Variants in CHCHD3 observed in about 807,000 individuals in gnomAD.
CHCHD3 encodes the protein coiled-coil-helix-coiled-coil-helix domain containing 3.
In CHCHD3, 20 loss-of-function variants were observed where a neutral mutation model predicts 38.2. The ratio of observed to expected loss-of-function variants is 0.52; its 90% CI spans 0.37 to 0.76. CHCHD3 has a LOEUF of 0.76. Among genes scored for constraint, CHCHD3 ranks in the 30% least tolerant of loss-of-function variants. The probability of loss-of-function intolerance (pLI) is 0.00; values close to 1 mark genes in which losing one functional copy is unlikely to be tolerated. For missense variants in CHCHD3, 245 were observed against 279.2 expected, an observed-to-expected ratio of 0.88 and a Z score of 0.87; for synonymous variants, 82 against 100.0, an observed-to-expected ratio of 0.82 and a Z score of 1.07.
In CHCHD3 at chr7:132,880,420, C is replaced by T. The variant is rs531338798; in HGVS notation, c.453+5242G>A. Among the ~76,000 whole-genome samples, 7 of 152,224 alleles carry T rather than the reference C, an allele frequency of 4.6e-5. No homozygotes were observed. The East Asian group carries it at 1.3e-3, about 29-fold the overall frequency. ...TTAATAAGGATGCTATAAACAATAA[C>T]AAAATATTCAAAGTTAAACTTGACT... On this transcript the variant is annotated intron_variant, in intron 5 of 7. Transcript: ENST00000262570.
chr7:132,994,915 A>G (rs1296958029), intron 3 of CHCHD3, among the ~76,000 whole-genome samples: 1 of 152,194 alleles, frequency 6.6e-6, no homozygotes, highest in East Asian at 1.9e-4. Context: ...CCTGCTCCAC[A>G]GCGCATTCTC....
chr7:132,826,339 A>T (rs1293657792), intron 6 of CHCHD3, among the ~76,000 whole-genome samples: 1 of 152,232 alleles, frequency 6.6e-6, no homozygotes, highest in Non-Finnish European at 1.5e-5. Flanking sequence ...TGTTTAACAT[A>T]CTAAAAAAGG....
At chr7:132,808,521 A>G (rs1395295112) in intron 6 of CHCHD3, among the ~76,000 whole-genome samples, 1 of 152,202 alleles carries the variant, frequency 6.6e-6, no homozygotes, top group African/African-American at 2.4e-5. Context: ...CTTCTATAAA[A>G]TATACAATCA....
chr7:132,788,565 A>G lies in CHCHD3; in HGVS notation c.661-2905T>C, dbSNP rs1806381447. On this transcript the variant is annotated intron_variant, in intron 7 of 7. Transcript: ENST00000262570. The surrounding 1 kb of genome is among the most constrained non-coding windows in gnomAD (Gnocchi z 4.0). ...ATTCTCTCTGCAACCTCAACCAAAT[A>G]TAGATGGGTAATTTTTCAGCCAAAT... Among the ~76,000 whole-genome samples, 1 of 152,228 alleles carries G rather than the reference A, an allele frequency of 6.6e-6. No homozygotes were observed. Among genetic ancestry groups the G allele is most frequent in the Non-Finnish European group, 1.5e-5 (1 of 68,042 alleles).
chr7:132,807,855 C>A (rs1448913212), intron 6 of CHCHD3, among the ~76,000 whole-genome samples: 1 of 151,592 alleles, frequency 6.6e-6, no homozygotes, highest in Non-Finnish European at 1.5e-5. Flanking sequence ...AAATAATGTT[C>A]AAAAATATAC....
rs1484264289 is a variant in CHCHD3 at position 132,869,652 on chromosome 7, TGGCTCACTGCAGCCTTGACCTTCTG to T, written c.453+15985_453+16009del. ...CCCAGGCTGGAGTGCAGCGACATAATGGCTCACTGCAGCCTTGACCTTCTGGGCTCAGCTGATCCTCCTCCTTCAG... is the reference window on the plus strand; with the variant it reads ...CCCAGGCTGGAGTGCAGCGACATAATGGCTCAGCTGATCCTCCTCCTTCAG... On this transcript the variant is annotated intron_variant, in intron 5 of 7. Transcript: ENST00000262570. 5.3e-5 allele frequency among the ~76,000 whole-genome samples: 8 copies of T among 152,192 alleles called. 1 individual carries two copies. Among genetic ancestry groups the T allele is most frequent in the Non-Finnish European group, 1.2e-4 (8 of 68,032 alleles).
In CHCHD3 at chr7:132,941,816, A is replaced by T. The variant is rs994932051; in HGVS notation, c.369+33353T>A. 2.6e-5 allele frequency among the ~76,000 whole-genome samples: 4 copies of T among 152,104 alleles called. No individual in the cohort carries two copies. In the East Asian group the frequency reaches 7.7e-4, roughly 29 times the overall value. On this transcript the variant is annotated intron_variant, in intron 4 of 7. Transcript: ENST00000262570. ...CAACAGCTCTTGGGTTCCCAAGTCC[A>T]CCTGTGGAATCTGTCTGTGGGTCTG...
chr7:132,799,164 G>A (rs2117033433), intron 6 of CHCHD3, among the ~76,000 whole-genome samples: 1 of 152,222 alleles, frequency 6.6e-6, no homozygotes, highest in African/African-American at 2.4e-5. Flanking sequence ...AGCTCCAGGA[G>A]TAGACTCTGG....
chr7:133,026,481 T>G (rs575832985), intron 2 of CHCHD3, among the ~76,000 whole-genome samples: 29 of 152,188 alleles, frequency 1.9e-4, no homozygotes, highest in Non-Finnish European at 2.5e-4. Flanking sequence ...CTCAAAATGC[T>G]AAAGAGTTAC....
intron 4 of CHCHD3, among the ~76,000 whole-genome samples, chr7:132,917,914 A>AT (rs1694021547): frequency 6.6e-6 from 1 of 151,506 alleles, no homozygotes; most frequent in Non-Finnish European, 1.5e-5. Context: ...ATCAAATTAT[A>AT]TACATAAAAG....
At chr7:132,984,032 C>T (rs1268472516) in intron 3 of CHCHD3, among the ~76,000 whole-genome samples, 3 of 151,598 alleles carry the variant, frequency 2.0e-5, no homozygotes, top group African/African-American at 7.3e-5. Context: ...TCCCTCTCCC[C>T]ACGGTCTCCC....
At chr7:133,050,340 TAAAAAAAAAA>T (rs35635002) in intron 2 of CHCHD3, among the ~76,000 whole-genome samples, 1,731 of 31,796 alleles carry the variant, frequency 0.054, 20 homozygotes, top group Non-Finnish European at 0.063. Context: ...GGCTGTGTCT[TAAAAAAAAAA>T]AAAAAAAAAA....
At chr7:133,025,630 G>A (rs960291876) in intron 2 of CHCHD3, among the ~76,000 whole-genome samples, 2 of 152,120 alleles carry the variant, frequency 1.3e-5, no homozygotes, top group African/African-American at 4.8e-5. Context: ...TCAGCCTCTC[G>A]AGTAGCTGGG....
intron 4 of CHCHD3, among the ~76,000 whole-genome samples, chr7:132,914,001 C>G (rs952263374): frequency 7.4e-6 from 1 of 134,738 alleles, no homozygotes; most frequent in African/African-American, 2.8e-5. Flanking sequence ...GCCCAGGCTT[C>G]CAGGCTGGAG....
At chr7:133,051,903 C>T (rs1011259771) in intron 2 of CHCHD3, 2 of 152,158 alleles carry the variant, frequency 1.3e-5, no homozygotes, top group African/African-American at 4.8e-5. Flanking sequence ...CAGAATCTAT[C>T]AAGGGAATCT....
At chr7:133,072,888 G>A (rs997172655) in intron 1 of CHCHD3, among the ~76,000 whole-genome samples, 11 of 150,972 alleles carry the variant, frequency 7.3e-5, no homozygotes, top group Middle Eastern at 3.3e-3. Flanking sequence ...TATCTGAGTA[G>A]ATGTGGGAGT....
intron 3 of CHCHD3, among the ~76,000 whole-genome samples, chr7:133,004,271 G>A (rs1016858072): frequency 6.6e-6 from 1 of 152,116 alleles, no homozygotes; most frequent in Non-Finnish European, 1.5e-5. Flanking sequence ...AGGCCTTAAA[G>A]ATTTAATATG....
At chr7:132,915,014 T>C (rs1237619146) in intron 4 of CHCHD3, among the ~76,000 whole-genome samples, 1 of 151,678 alleles carries the variant, frequency 6.6e-6, no homozygotes, top group Non-Finnish European at 1.5e-5. Flanking sequence ...ATACAAAAAT[T>C]AGCCGGGTGT....
chr7:132,824,986 T>C (rs1807472428), intron 6 of CHCHD3, among the ~76,000 whole-genome samples: 1 of 152,230 alleles, frequency 6.6e-6, no homozygotes, highest in African/African-American at 2.4e-5. Flanking sequence ...ATAACAACCA[T>C]ATGGAATGTA....
Sources: gnomAD v4.1 joint callset for allele counts (sites outside exome capture counted in the v4.1 genomes callset) on GRCh38, gnomAD v4.1.1 for gene constraint, Gnocchi (gnomAD v3.1) non-coding constraint, MANE v1.5 for transcripts, NCBI Gene and HGNC (gene_info 2026-07-23, HGNC 2026-07-21) for gene names.